The following ARIH1 variants were observed in gnomAD, a reference collection of about 807,000 sequenced individuals.
ARIH1 encodes the protein ariadne RBR E3 ubiquitin protein ligase 1.
A neutral mutation model predicts 85.0 loss-of-function variants in ARIH1; 8 were observed. That is an observed-to-expected ratio of 0.09 (90% CI 0.06 to 0.17). The LOEUF (loss-of-function observed/expected upper bound fraction) is 0.17, where lower values mean the gene tolerates loss of function less well. ARIH1 is among the 10% of genes least tolerant of loss of function. The probability of loss-of-function intolerance (pLI) is 1.00; values close to 1 mark genes in which losing one functional copy is unlikely to be tolerated. For synonymous variants in ARIH1, 238 were observed against 253.6 expected (o/e 0.94, Z 0.59); for missense variants, 311 against 718.1 (o/e 0.43, Z 6.48).
At chr15:72,480,816 C>T (rs752321752) in intron 1 of ARIH1, among the ~76,000 whole-genome samples, 9 of 152,134 alleles carry the variant, frequency 5.9e-5, no homozygotes, top group African/African-American at 1.7e-4. Context: ...CTGCCCGCCT[C>T]GGCCTCCCAA....
chr15:72,564,208 A>C (rs1043400618), intron 7 of ARIH1, among the ~76,000 whole-genome samples: 7 of 152,210 alleles, frequency 4.6e-5, no homozygotes, highest in African/African-American at 7.2e-5. Context: ...TGCGTCTTCA[A>C]CACTTTGCTT....
chr15:72,566,520 T>C (rs1303019806), intron 7 of ARIH1, 43 bp from the exon 8 acceptor site: 1 of 1,517,150 alleles, frequency 6.6e-7, no homozygotes, highest in South Asian at 1.1e-5. Context: ...TTGCTTACAG[T>C]AGGTAGGCCT....
chr15:72,565,700 C>T (rs1410482328), intron 7 of ARIH1, among the ~76,000 whole-genome samples: 1 of 152,136 alleles, frequency 6.6e-6, no homozygotes, highest in Non-Finnish European at 1.5e-5. Context: ...ACCTATATAG[C>T]TACAATCCAG....
rs558153729 is a variant in ARIH1 at position 72,567,959 on chromosome 15, G to A, written c.1026+782G>A. On this transcript the variant is annotated intron_variant, in intron 9 of 13. Transcript: ENST00000379887. ...GTTGCCTCAGTCATCACAGGACAAT[G>A]AGATTAAGAAGTGTGTAAACAATGA... Among the ~76,000 whole-genome samples the A allele has an allele frequency of 2.6e-5, 4 of 152,290 alleles. No individual in the cohort carries two copies. In the South Asian group the frequency reaches 8.3e-4, roughly 32 times the overall value.
At chr15:72,524,784 G>C (rs1276569981) in intron 2 of ARIH1, among the ~76,000 whole-genome samples, 1 of 152,140 alleles carries the variant, frequency 6.6e-6, no homozygotes, top group Non-Finnish European at 1.5e-5. Flanking sequence ...GAATAACCCA[G>C]TTCCAAAATT....
rs1486733070 is a variant in ARIH1 at position 72,593,758 on chromosome 15, T to A, written c.*10466T>A. ...TTAGTAAATCCTTCCTTTTTGTTATTTTTCAAGATCGCTTTGGTTATTGTC... is the reference window on the plus strand; with the variant it reads ...TTAGTAAATCCTTCCTTTTTGTTATATTTCAAGATCGCTTTGGTTATTGTC... On this transcript the variant is annotated 3_prime_UTR_variant, in exon 14 of 14. Transcript: ENST00000379887. 2 of 152,212 alleles carry A rather than the reference T, an allele frequency of 1.3e-5. No homozygotes were observed. The highest frequency in any genetic ancestry group is 3.8e-4 in the East Asian group (2 of 5,204). 9.4% of individuals were successfully genotyped at this position (152,212 alleles called of 1,614,324 possible). A position where few individuals can be genotyped will look rare whatever the true frequency, so the allele number is the denominator to read the frequency against.
intron 1 of ARIH1, among the ~76,000 whole-genome samples, chr15:72,489,059 A>G (rs760645018): frequency 2.1e-4 from 32 of 152,122 alleles, no homozygotes; most frequent in Non-Finnish European, 3.1e-4. Flanking sequence ...CCTGGGCTAC[A>G]TAGACTTTTT....
chr15:72,486,806 G>A (rs548141028), intron 1 of ARIH1, among the ~76,000 whole-genome samples: 1 of 145,190 alleles, frequency 6.9e-6, no homozygotes, highest in South Asian at 2.2e-4. Context: ...TGATTATCGT[G>A]CCTCAGCCTC....
intron 2 of ARIH1, among the ~76,000 whole-genome samples, chr15:72,531,102 G>C (rs1403858383): frequency 6.6e-6 from 1 of 152,090 alleles, no homozygotes; most frequent in African/African-American, 2.4e-5. Flanking sequence ...TCTGAAATCT[G>C]GATGCATCTT....
intron 2 of ARIH1, among the ~76,000 whole-genome samples, chr15:72,527,895 G>A (rs1325595173): frequency 6.6e-6 from 1 of 152,026 alleles, no homozygotes; most frequent in Non-Finnish European, 1.5e-5. Flanking sequence ...TACACATAAC[G>A]CAGTTCCTAA....
At chr15:72,497,101 A>C (rs1301369941) in intron 1 of ARIH1, among the ~76,000 whole-genome samples, 2 of 152,376 alleles carry the variant, frequency 1.3e-5, no homozygotes. Context: ...GGCATTTGCC[A>C]CTGTCTTTAA....
intron 2 of ARIH1, among the ~76,000 whole-genome samples, chr15:72,544,147 ATGTT>A (rs1412423392): frequency 6.6e-6 from 1 of 152,186 alleles, no homozygotes; most frequent in African/African-American, 2.4e-5. Flanking sequence ...TTTATATAAA[ATGTT>A]TGAAGATACA....
At chr15:72,498,473 G>A (rs552899978) in intron 1 of ARIH1, among the ~76,000 whole-genome samples, 1 of 152,282 alleles carries the variant, frequency 6.6e-6, no homozygotes, top group South Asian at 2.1e-4. Context: ...TTGTAAAGAA[G>A]GCTGAGTGTT....
At chr15:72,494,967 T>C (rs2063874005) in intron 1 of ARIH1, among the ~76,000 whole-genome samples, 3 of 152,186 alleles carry the variant, frequency 2.0e-5, no homozygotes, top group Non-Finnish European at 2.9e-5. Context: ...GTGAGTATTG[T>C]AATTGTGTAG....
At position 72,597,780 on chromosome 15, in the gene ARIH1, A is replaced by G. The variant is rs909289617; in HGVS notation, c.*14488A>G. ...TGGGTCATCTAGGTTCTAATGTCAA[A>G]CCAGCCTCCAAGGGGTTGTGAAAAT... On this transcript the variant is annotated 3_prime_UTR_variant, in exon 14 of 14. Coordinates refer to ENST00000379887, the MANE Select transcript of ARIH1 (RefSeq NM_005744.5). 1 of 152,104 alleles carries G rather than the reference A, an allele frequency of 6.6e-6. No individual in the cohort carries two copies. Among genetic ancestry groups the G allele is most frequent in the Non-Finnish European group, 1.5e-5 (1 of 68,054 alleles). The allele number at this position is 152,104 out of a possible 1,614,324, so 9.4% of individuals were successfully genotyped here. A position where few individuals can be genotyped will look rare whatever the true frequency, so the allele number is the denominator to read the frequency against.
chr15:72,587,288 C>T lies in ARIH1; in HGVS notation c.*3996C>T, dbSNP rs759224089. Reference sequence around the variant, plus strand: ...TCACAGAATGACCTAGTATTCTGTACCAGGGAAGGTAGTTCTTAACTATAT... The same window carrying T: ...TCACAGAATGACCTAGTATTCTGTATCAGGGAAGGTAGTTCTTAACTATAT... On this transcript the variant is annotated 3_prime_UTR_variant, in exon 14 of 14. Transcript: ENST00000379887. The T allele has an allele frequency of 2.4e-5, 12 of 509,572 alleles. No homozygotes were observed. The East Asian group carries it at 6.3e-4, about 27-fold the overall frequency. The allele number at this position is 509,572 out of a possible 1,614,324, so 31.6% of individuals were successfully genotyped here. A position where few individuals can be genotyped will look rare whatever the true frequency, so the allele number is the denominator to read the frequency against.
intron 1 of ARIH1, among the ~76,000 whole-genome samples, chr15:72,496,150 C>T (rs1243903936): frequency 6.6e-6 from 1 of 152,174 alleles, no homozygotes; most frequent in Non-Finnish European, 1.5e-5. Flanking sequence ...GCAGTCCTCC[C>T]ACTTCAGCCT....
At chr15:72,533,448 A>G (rs999163737) in intron 2 of ARIH1, among the ~76,000 whole-genome samples, 2 of 152,210 alleles carry the variant, frequency 1.3e-5, no homozygotes, top group Non-Finnish European at 2.9e-5. Context: ...TTCACTGACA[A>G]TGTGATTGTG....
intron 10 of ARIH1, among the ~76,000 whole-genome samples, chr15:72,570,954 A>C (rs1443862203): frequency 6.6e-6 from 1 of 151,592 alleles, no homozygotes; most frequent in African/African-American, 2.4e-5. Context: ...ACATGGAGAA[A>C]CCCCGTCTCT....
Sources: allele counts gnomAD v4.1 joint callset (sites outside exome capture counted in the v4.1 genomes callset), GRCh38; gene constraint gnomAD v4.1.1; transcripts MANE v1.5; gene names NCBI Gene and HGNC (gene_info 2026-07-23, HGNC 2026-07-21).